The following SHANK2 variants were observed in gnomAD, a reference collection of about 807,000 sequenced individuals.
SHANK2 encodes SH3 and multiple ankyrin repeat domains 2, also known as SH3 and multiple ankyrin repeat domains protein 2.
A neutral mutation model predicts 133.7 loss-of-function variants in SHANK2; 43 were observed. That is an observed-to-expected ratio of 0.32 (90% CI 0.25 to 0.41). SHANK2 has a LOEUF of 0.41. SHANK2 is among the 10% of genes least tolerant of loss of function. The pLI, the probability that SHANK2 is intolerant of heterozygous loss-of-function variation, is 1.00. For synonymous variants in SHANK2, 1,017 were observed against 952.8 expected, an observed-to-expected ratio of 1.07 and a Z score of -1.24; for missense variants, 1,994 against 2,235.8, an observed-to-expected ratio of 0.89 and a Z score of 2.18.
chr11:71,238,583 G>C (rs533707359), intron 1 of SHANK2, among the ~76,000 whole-genome samples: 1 of 152,194 alleles, frequency 6.6e-6, no homozygotes, highest in Non-Finnish European at 1.5e-5. Flanking sequence ...CAAAGATGTC[G>C]AGGTAAGAGC....
chr11:70,761,321 C>T (rs533545106), intron 14 of SHANK2, among the ~76,000 whole-genome samples: 38 of 152,244 alleles, frequency 2.5e-4, no homozygotes, highest in South Asian at 1.0e-3. Flanking sequence ...GGGGGCATAG[C>T]GAGGAGGTGT....
chr11:70,580,864 ACCT>A (rs2060175689), intron 17 of SHANK2, among the ~76,000 whole-genome samples: 1 of 152,032 alleles, frequency 6.6e-6, no homozygotes, highest in Admixed American at 6.6e-5. Context: ...TGGGGGGCTC[ACCT>A]CCTGTTCCCT....
In SHANK2 at chr11:71,119,045, A is replaced by G; in HGVS notation, c.208-13T>C. 6.4e-7 allele frequency: 1 copy of G among 1,551,238 alleles called. No homozygotes were observed. The highest frequency in any genetic ancestry group is 1.2e-5 in the South Asian group (1 of 83,996). ...ATCGAATGCATTTCTGCCAGGAAGGACAAAGACAGCTGATGAGTGACAGAG... is the reference window on the plus strand; with the variant it reads ...ATCGAATGCATTTCTGCCAGGAAGGGCAAAGACAGCTGATGAGTGACAGAG... On this transcript the variant is annotated splice_polypyrimidine_tract_variant and intron_variant, in intron 3 of 25. Transcript: ENST00000601538.
At chr11:70,884,661 C>T (rs1444999380) in intron 11 of SHANK2, among the ~76,000 whole-genome samples, 3 of 152,338 alleles carry the variant, frequency 2.0e-5, no homozygotes, top group African/African-American at 2.4e-5. Context: ...TCCCCCCCAC[C>T]GAGTGTTCCT....
At chr11:71,206,496 C>G (rs1954129800) in intron 2 of SHANK2, among the ~76,000 whole-genome samples, 1 of 152,190 alleles carries the variant, frequency 6.6e-6, no homozygotes. Flanking sequence ...GCGCCGCACC[C>G]CCGCCAGCCT....
chr11:70,782,509 G>A (rs1016328466), intron 14 of SHANK2, among the ~76,000 whole-genome samples: 9 of 152,192 alleles, frequency 5.9e-5, no homozygotes, highest in Middle Eastern at 3.2e-3. Flanking sequence ...GGCCAGGCCC[G>A]CCTTCTCCAA....
At chr11:70,806,851 G>A (rs1294361473) in intron 13 of SHANK2, 151 bp downstream of exon 13, 4 of 589,562 alleles carry the variant, frequency 6.8e-6, no homozygotes, top group African/African-American at 5.6e-5. Context: ...AAGGGTCTGG[G>A]AACGTCACTC....
intron 10 of SHANK2, among the ~76,000 whole-genome samples, chr11:70,908,775 C>T (rs1419899026): frequency 1.3e-5 from 2 of 152,186 alleles, no homozygotes; most frequent in Non-Finnish European, 2.9e-5. Context: ...AGGAGGAAAA[C>T]CACTTTCAGC....
intron 21 of SHANK2, 120 bp from the exon 22 acceptor site, chr11:70,492,585 T>C: frequency 7.5e-7 from 1 of 1,338,130 alleles, no homozygotes; most frequent in Non-Finnish European, 1.0e-6. Flanking sequence ...GGGCATTTGT[T>C]GCTGCTGTGA....
intron 14 of SHANK2, among the ~76,000 whole-genome samples, chr11:70,784,375 T>TTTTTTG (rs1947599358): frequency 7.0e-6 from 1 of 143,112 alleles, no homozygotes; most frequent in Non-Finnish European, 1.5e-5. Context: ...TTTTTTTTTT[T>TTTTTTG]AAGTAGCGAC....
chr11:70,941,831 T>C (rs1950652368), intron 10 of SHANK2, among the ~76,000 whole-genome samples: 1 of 151,834 alleles, frequency 6.6e-6, no homozygotes, highest in Non-Finnish European at 1.5e-5. Context: ...TCTTTGTCTG[T>C]TTTGTGTTAT....
At chr11:71,194,953 G>A (rs1953870503) in intron 2 of SHANK2, among the ~76,000 whole-genome samples, 1 of 152,168 alleles carries the variant, frequency 6.6e-6, no homozygotes, top group South Asian at 2.1e-4. Context: ...TTCCTTCGTG[G>A]GTTAATGGTT....
chr11:70,613,858 G>A (rs577668033), intron 17 of SHANK2, among the ~76,000 whole-genome samples: 361 of 146,530 alleles, frequency 2.5e-3, no homozygotes, highest in Non-Finnish European at 4.6e-3. Flanking sequence ...TCGGCCTCCC[G>A]GGTTCAAGCA....
intron 10 of SHANK2, among the ~76,000 whole-genome samples, chr11:70,911,703 G>T (rs755390636): frequency 6.6e-6 from 1 of 152,130 alleles, no homozygotes; most frequent in African/African-American, 2.4e-5. Flanking sequence ...GCTTCTATGG[G>T]CCAGGGAGTA....
At chr11:71,182,110 CT>C (rs1342446362) in intron 2 of SHANK2, among the ~76,000 whole-genome samples, 2 of 151,940 alleles carry the variant, frequency 1.3e-5, no homozygotes, top group African/African-American at 4.8e-5. Context: ...AGGCTAGGGC[CT>C]TTTCCTTCCC....
In SHANK2 at chr11:70,500,506, G is replaced by C. The variant is rs2059033438; in HGVS notation, c.2308+64C>G. 9.6e-6 allele frequency: 15 copies of C among 1,569,212 alleles called. No individual in the cohort carries two copies. The South Asian group carries it at 1.4e-4, about 15-fold the overall frequency. ...TTTGAGACTTCACGGCATCACAAAGGATGTTTCTGTTCCACAGGGGGGTGA... is the reference window on the plus strand; with the variant it reads ...TTTGAGACTTCACGGCATCACAAAGCATGTTTCTGTTCCACAGGGGGGTGA... On this transcript the variant is annotated intron_variant, in intron 21 of 25. Transcript: ENST00000601538. The surrounding 1 kb of genome is among the most constrained non-coding windows in gnomAD (Gnocchi z 4.5).
chr11:70,742,098 C>T (rs1946540162), intron 14 of SHANK2, among the ~76,000 whole-genome samples: 1 of 152,202 alleles, frequency 6.6e-6, no homozygotes, highest in African/African-American at 2.4e-5. Flanking sequence ...ACTGGCTGTC[C>T]ACCTAGGAAA....
chr11:71,176,014 C>T (rs143379262), intron 2 of SHANK2, among the ~76,000 whole-genome samples: 86 of 152,244 alleles, frequency 5.6e-4, no homozygotes, highest in Admixed American at 1.3e-3. Flanking sequence ...CACCTTAGGC[C>T]GGAGAAAGAA....
At chr11:70,619,439 C>A (rs1348242949) in intron 17 of SHANK2, among the ~76,000 whole-genome samples, 1 of 152,174 alleles carries the variant, frequency 6.6e-6, no homozygotes, top group Non-Finnish European at 1.5e-5. Context: ...CCCCTGCATG[C>A]ATCAAATCTA....
Sources: gnomAD v4.1 joint callset for allele counts (sites outside exome capture counted in the v4.1 genomes callset) on GRCh38, gnomAD v4.1.1 for gene constraint, Gnocchi (gnomAD v3.1) non-coding constraint, MANE v1.5 for transcripts, NCBI Gene and HGNC (gene_info 2026-07-23, HGNC 2026-07-21) for gene names.